The following OTOF variants were observed in gnomAD, a reference collection of about 807,000 sequenced individuals.
OTOF encodes fer-1-like family member 2.
A neutral mutation model predicts 236.8 loss-of-function variants in OTOF; 218 were observed. The observed-to-expected ratio is 0.92, with a 90% CI of 0.82 to 1.03. The LOEUF (loss-of-function observed/expected upper bound fraction) is 1.03. Among genes scored for constraint, OTOF ranks in the 50% least tolerant of loss-of-function variants. The probability of loss-of-function intolerance (pLI) is 0.00; values close to 1 mark genes in which losing one functional copy is unlikely to be tolerated. For synonymous variants in OTOF, 1,041 were observed against 1,072.5 expected (o/e 0.97, Z 0.57); for missense variants, 2,590 against 2,694.4 (o/e 0.96, Z 0.86).
rs1408709768 is a variant in OTOF at position 26,461,639 on chromosome 2, G to A, written c.5533+57C>T. On this transcript the variant is annotated intron_variant, in intron 43 of 46. Coordinates refer to ENST00000272371, the MANE Select transcript of OTOF (RefSeq NM_194248.3). This position sits in a 1 kb window ranked among gnomAD's most constrained non-coding sequence, Gnocchi z 6.2. ...GGCTCTCCCTGTCCCCGCCAACCCG[G>A]CCCCTGCCTCTTCTCAGTTCTGGAT... The A allele has an allele frequency of 6.8e-6, 11 of 1,607,818 alleles. No homozygotes were observed. The East Asian group carries it at 1.1e-4, about 16-fold the overall frequency.
chr2:26,462,553 T>C lies in OTOF; in HGVS notation c.5193-372A>G, dbSNP rs1664531136. On this transcript the variant is annotated intron_variant, in intron 41 of 46. Coordinates refer to ENST00000272371, the MANE Select transcript of OTOF (RefSeq NM_194248.3). This position sits in a 1 kb window ranked among gnomAD's most constrained non-coding sequence, Gnocchi z 4.7. ...GGTTTAATTGTAATTATGAATGATG[T>C]AGTTCATTTCAATCATTAAGAGTGA... is the stretch of plus-strand genomic sequence containing the variant. Among the ~76,000 whole-genome samples the C allele has an allele frequency of 6.6e-6, 1 of 152,228 alleles. No homozygotes were observed. Among genetic ancestry groups the C allele is most frequent in the South Asian group, 2.1e-4 (1 of 4,838 alleles).
chr2:26,504,192 C>T (rs1362873311), intron 5 of OTOF, among the ~76,000 whole-genome samples: 1 of 152,164 alleles, frequency 6.6e-6, no homozygotes, highest in African/African-American at 2.4e-5. Context: ...CCCAGCCCCT[C>T]AGTCTAGTCT....
chr2:26,516,764 C>G lies in OTOF; in HGVS notation c.328-165G>C, dbSNP rs1041405091. On this transcript the variant is annotated intron_variant, in intron 4 of 46. Transcript: ENST00000272371. The stretch of plus-strand genomic sequence containing the variant: ...CTGCCCCATTTTGCTGATGAGAAAA[C>G]AGAGGCTCTGAAAGGCTGACTTGTG... 2.6e-5 allele frequency among the ~76,000 whole-genome samples: 4 copies of G among 152,286 alleles called. 1 individual carries two copies.
At chr2:26,553,553 C>T (rs990289096) in intron 1 of OTOF, among the ~76,000 whole-genome samples, 45 of 152,192 alleles carry the variant, frequency 3.0e-4, no homozygotes, top group Admixed American at 7.9e-4. Flanking sequence ...TGTTTCTTCT[C>T]CTCTGTCAGA....
chr2:26,529,169 C>A (rs1324675627), intron 2 of OTOF, among the ~76,000 whole-genome samples: 1 of 152,150 alleles, frequency 6.6e-6, no homozygotes, highest in Non-Finnish European at 1.5e-5. Flanking sequence ...GAACAGGATG[C>A]CAGACTGGAG....
chr2:26,496,426 G>T (rs1290874206), intron 8 of OTOF, among the ~76,000 whole-genome samples: 1 of 151,672 alleles, frequency 6.6e-6, no homozygotes, highest in Non-Finnish European at 1.5e-5. Flanking sequence ...TTTTAGTAGA[G>T]ATTGGGTTTT....
At chr2:26,478,183 C>T in intron 18 of OTOF, 1 of 463,544 alleles carries the variant, frequency 2.2e-6, no homozygotes, top group Non-Finnish European at 3.4e-6. Flanking sequence ...GGCTCTGGCT[C>T]TGAGAGCACT....
intron 2 of OTOF, among the ~76,000 whole-genome samples, chr2:26,532,116 G>C (rs907061098): frequency 1.8e-4 from 18 of 100,404 alleles, no homozygotes; most frequent in African/African-American, 8.7e-4. Context: ...AAAAAAAAAA[G>C]ACTGAAGGAA....
chr2:26,484,324 G>T, intron 12 of OTOF, 150 bp downstream of exon 12: 1 of 815,312 alleles, frequency 1.2e-6, no homozygotes, highest in Non-Finnish European at 2.1e-6. Flanking sequence ...CCCCTGCCCT[G>T]CCTCGGAAGA....
At chr2:26,485,487 C>T (rs1002188208) in intron 11 of OTOF, among the ~76,000 whole-genome samples, 3 of 152,222 alleles carry the variant, frequency 2.0e-5, no homozygotes, top group Non-Finnish European at 4.4e-5. Context: ...CCCAGTGTCC[C>T]ATGACCTATG....
intron 11 of OTOF, among the ~76,000 whole-genome samples, chr2:26,486,640 T>A (rs1418819562): frequency 6.6e-6 from 1 of 152,200 alleles, no homozygotes; most frequent in Non-Finnish European, 1.5e-5. Context: ...TGACAGATTT[T>A]GAGATGACCT....
chr2:26,464,870 G>A lies in OTOF; in HGVS notation c.4959C>T (p.Asn1653=), dbSNP rs148620934. The change falls in exon 39 of 47, where the codon AAC becomes AAT. Residue 1653 remains asparagine, a splice_region_variant and synonymous_variant. Transcript: ENST00000272371. ...CGGCTGCATCCAGTGCCCCATTACC[G>A]TTCTCGTCCTCAATCTCAGAGGGCC... ...FTGPSEIEDE[N]GQRKPTDEHV... 34 of 1,602,550 alleles carry A rather than the reference G, an allele frequency of 2.1e-5. No individual in the cohort carries two copies. Among genetic ancestry groups the A allele is most frequent in the Middle Eastern group, 1.7e-4 (1 of 6,044 alleles).
At chr2:26,527,430 C>A (rs545539501) in intron 3 of OTOF, among the ~76,000 whole-genome samples, 1 of 152,326 alleles carries the variant, frequency 6.6e-6, no homozygotes, top group Admixed American at 6.5e-5. Context: ...GTCAAGCCTG[C>A]CCTCAGGGCT....
intron 5 of OTOF, among the ~76,000 whole-genome samples, chr2:26,513,654 G>A (rs1351031281): frequency 1.3e-5 from 2 of 152,214 alleles, no homozygotes; most frequent in Non-Finnish European, 2.9e-5. Context: ...GCAGGAACAA[G>A]AGGGAACTGT....
At chr2:26,464,230 T>A (rs1271448231) in intron 39 of OTOF, 124 bp from the exon 40 acceptor site, 3 of 1,222,938 alleles carry the variant, frequency 2.5e-6, no homozygotes, top group African/African-American at 3.0e-5. Context: ...CACCTCCTTT[T>A]CACTGTTGGG....
Position 26,484,631 on chromosome 2 carries a change from G to A in OTOF, c.1048C>T (p.His350Tyr), listed in dbSNP as rs1453071291. ...DVGTVYSQPE[H>Y]QFHHKWAILS... ...ATGGCCCACTTGTGATGGAACTGGT[G>A]CTCTGCAATGATGAGGGGTGGGCAC... The change falls in exon 12 of 47, where the codon CAC becomes TAC. Residue 350 changes from histidine to tyrosine, a missense_variant and splice_region_variant. Physicochemically the swap from His to Tyr is moderately conservative, Grantham distance 83. Coordinates refer to ENST00000272371, the MANE Select transcript of OTOF (RefSeq NM_194248.3). 2 of 1,613,618 alleles carry A rather than the reference G, an allele frequency of 1.2e-6. No homozygotes were observed. Among genetic ancestry groups the A allele is most frequent in the African/African-American group, 2.7e-5 (2 of 74,916 alleles).
chr2:26,483,962 T>G (rs1027234128), intron 12 of OTOF, among the ~76,000 whole-genome samples: 2 of 152,200 alleles, frequency 1.3e-5, no homozygotes, highest in Non-Finnish European at 2.9e-5. Flanking sequence ...GATCTTAGTA[T>G]TATTGTCAGT....
chr2:26,503,886 C>T (rs936551639), intron 5 of OTOF, 41 bp from the exon 6 acceptor site: 4 of 1,544,634 alleles, frequency 2.6e-6, no homozygotes, highest in African/African-American at 2.7e-5. Context: ...GGGAGAGGGA[C>T]GCATGGAGGA....
At chr2:26,554,145 C>A (rs974748204) in intron 1 of OTOF, among the ~76,000 whole-genome samples, 1 of 136,628 alleles carries the variant, frequency 7.3e-6, no homozygotes, top group Non-Finnish European at 1.5e-5. Flanking sequence ...TGCACTCCAG[C>A]CTGGCGACAG....
Sources: allele counts gnomAD v4.1 joint callset (sites outside exome capture counted in the v4.1 genomes callset), GRCh38; gene constraint gnomAD v4.1.1; non-coding constraint Gnocchi (gnomAD v3.1); transcripts MANE v1.5; gene names NCBI Gene and HGNC (gene_info 2026-07-23, HGNC 2026-07-21).